The following ADAM23 variants were observed in gnomAD, a reference collection of about 807,000 sequenced individuals.
ADAM23 encodes disintegrin and metalloproteinase domain-containing protein 23.
A neutral mutation model predicts 120.1 loss-of-function variants in ADAM23; 33 were observed. The ratio of observed to expected loss-of-function variants is 0.27; its 90% confidence interval spans 0.21 to 0.37. The LOEUF is 0.37. ADAM23 is among the 10% of genes least tolerant of loss of function. ADAM23 has a pLI of 1.00. For synonymous variants in ADAM23, 367 were observed against 375.2 expected (o/e 0.98, Z 0.25); for missense variants, 862 against 1,058.2 (o/e 0.81, Z 2.57).
At chr2:206,513,601 C>T (rs75111447) in intron 3 of ADAM23, among the ~76,000 whole-genome samples, 93 of 152,300 alleles carry the variant, frequency 6.1e-4, no homozygotes, top group Non-Finnish European at 1.0e-3. Flanking sequence ...GAAGCTGAAG[C>T]AAGTTATCCA....
chr2:206,465,176 C>G (rs893426752), intron 2 of ADAM23, among the ~76,000 whole-genome samples: 42 of 152,140 alleles, frequency 2.8e-4, no homozygotes, highest in Non-Finnish European at 5.3e-4. Flanking sequence ...GTAGCTAGGA[C>G]TGTAGGCTCA....
chr2:206,459,345 T>A (rs1695365425), intron 2 of ADAM23, among the ~76,000 whole-genome samples: 1 of 152,248 alleles, frequency 6.6e-6, no homozygotes, highest in Admixed American at 6.5e-5. Context: ...TAACTATAAC[T>A]ATATCCTTAT....
intron 2 of ADAM23, among the ~76,000 whole-genome samples, chr2:206,477,897 A>AAATATATATAT (rs374524658): frequency 1.6e-4 from 15 of 93,576 alleles, no homozygotes; most frequent in East Asian, 1.0e-3. Context: ...AAAAAAAAAA[A>AAATATATATAT]ATATATATAT....
At chr2:206,446,504 G>A (rs1343091507) in intron 2 of ADAM23, among the ~76,000 whole-genome samples, 1 of 152,016 alleles carries the variant, frequency 6.6e-6, no homozygotes, top group Non-Finnish European at 1.5e-5. Flanking sequence ...TTTTTTATTA[G>A]TTTTCTAAAA....
At chr2:206,614,651 T>C (rs2105868362) in intron 25 of ADAM23, among the ~76,000 whole-genome samples, 1 of 149,700 alleles carries the variant, frequency 6.7e-6, no homozygotes, top group South Asian at 2.1e-4. Flanking sequence ...AAACTCTGTC[T>C]CAAAAAAAAA....
chr2:206,457,147 T>C (rs574922101), intron 2 of ADAM23, among the ~76,000 whole-genome samples: 1 of 152,226 alleles, frequency 6.6e-6, no homozygotes, highest in Admixed American at 6.5e-5. Flanking sequence ...AGCTCAACTC[T>C]CCAATGCATT....
At chr2:206,570,666 A>T (rs1451870628) in intron 15 of ADAM23, 74 bp from the exon 16 acceptor site, 1 of 1,142,262 alleles carries the variant, frequency 8.8e-7, no homozygotes, top group Non-Finnish European at 1.3e-6. Context: ...CGGCCATTGT[A>T]TGTGGCCCAG....
At chr2:206,613,000 G>T (rs181424010) in intron 25 of ADAM23, among the ~76,000 whole-genome samples, 12 of 152,262 alleles carry the variant, frequency 7.9e-5, no homozygotes, top group Admixed American at 6.5e-4. Flanking sequence ...TTATTTGGTA[G>T]ATTTTTAAAA....
chr2:206,566,737 C>T (rs1697891763), intron 14 of ADAM23, among the ~76,000 whole-genome samples: 1 of 151,984 alleles, frequency 6.6e-6, no homozygotes, highest in Non-Finnish European at 1.5e-5. Context: ...CCTTGTTTAC[C>T]TGAATGCATT....
chr2:206,472,703 G>A (rs1398543959), intron 2 of ADAM23, among the ~76,000 whole-genome samples: 1 of 151,962 alleles, frequency 6.6e-6, no homozygotes, highest in Non-Finnish European at 1.5e-5. Context: ...GATTTATTTA[G>A]AAAAGAGCTC....
intron 9 of ADAM23, among the ~76,000 whole-genome samples, chr2:206,553,137 G>A (rs916470193): frequency 6.6e-6 from 1 of 152,188 alleles, no homozygotes; most frequent in Non-Finnish European, 1.5e-5. Context: ...CAGCACTTTG[G>A]GAGTCCAAGG....
intron 3 of ADAM23, among the ~76,000 whole-genome samples, chr2:206,504,004 G>A (rs796079406): frequency 7.9e-5 from 12 of 152,202 alleles, no homozygotes; most frequent in African/African-American, 2.9e-4. Flanking sequence ...AGGCTTCTGG[G>A]AATGGAGTTT....
intron 3 of ADAM23, among the ~76,000 whole-genome samples, chr2:206,525,896 T>C (rs929107121): frequency 1.1e-4 from 17 of 152,124 alleles, no homozygotes; most frequent in Admixed American, 6.6e-5. Context: ...GGCTGGTTCT[T>C]TGTTTAAAGT....
At chr2:206,469,485 AC>A (rs755459026) in intron 2 of ADAM23, among the ~76,000 whole-genome samples, 16 of 151,910 alleles carry the variant, frequency 1.1e-4, no homozygotes, top group Non-Finnish European at 2.2e-4. Context: ...ATCACCTCCT[AC>A]CTGGATTATT....
chr2:206,529,224 A>G (rs918800), intron 3 of ADAM23, among the ~76,000 whole-genome samples: 10,893 of 152,194 alleles, frequency 0.072, 433 homozygotes, highest in Middle Eastern at 0.11. Flanking sequence ...TCTGAGTTAA[A>G]TACTGCATAT....
chr2:206,521,277 T>A (rs1292800389), intron 3 of ADAM23, among the ~76,000 whole-genome samples: 1 of 152,140 alleles, frequency 6.6e-6, no homozygotes, highest in Admixed American at 6.6e-5. Context: ...TCAGGGAACA[T>A]CTGTCTCATT....
chr2:206,444,035 G>T lies in ADAM23; in HGVS notation c.169G>T (p.Ala57Ser). The T allele has an allele frequency of 1.4e-6, 2 of 1,407,694 alleles. No individual in the cohort carries two copies. The highest frequency in any genetic ancestry group is 2.5e-5 in the Admixed American group (1 of 40,186). The allele number at this position is 1,407,694 out of a possible 1,614,324, so 87.2% of individuals were successfully genotyped here. The change falls in exon 1 of 26, where the codon GCC (alanine) becomes TCC (serine). Residue 57 changes from alanine to serine, a missense_variant. Transcript: ENST00000264377. ...CGTCCTTCTCCTGCTGCCTCCGCTC[G>T]CCGCCTCGTCCCGGCCCCGCGCCTG... is the stretch of plus-strand genomic sequence containing the variant. ...LLVLLLLPPL[A>S]ASSRPRAWGA...
Position 206,588,157 on chromosome 2 carries a change from A to C in ADAM23, c.1852+3A>C. 6.2e-7 allele frequency: 1 copy of C among 1,614,000 alleles called. No individual in the cohort carries two copies. The highest frequency in any genetic ancestry group is 8.5e-7 in the Non-Finnish European group (1 of 1,179,900). On this transcript the variant is annotated splice_donor_region_variant and intron_variant, in intron 20 of 25. Transcript: ENST00000264377. ...GTGTCAGTACATCTGGGGAACAAGT[A>C]GGTCGCACCTCCTTGCTTGGCGGTT...
chr2:206,548,179 T>G (rs1697438331), intron 7 of ADAM23, 102 bp from the exon 8 acceptor site: 1 of 1,030,010 alleles, frequency 9.7e-7, no homozygotes, highest in Non-Finnish European at 1.4e-6. Flanking sequence ...CACCTTAGTT[T>G]GACATATATT....
Sources: gnomAD v4.1 joint callset for allele counts (sites outside exome capture counted in the v4.1 genomes callset) on GRCh38, gnomAD v4.1.1 for gene constraint, MANE v1.5 for transcripts, NCBI Gene and HGNC (gene_info 2026-07-23, HGNC 2026-07-21) for gene names.